COPS4: variants seen among roughly 807,000 people sequenced by gnomAD.
COPS4 encodes COP9 signalosome complex subunit 4.
A neutral mutation model predicts 55.1 loss-of-function variants in COPS4; 8 were observed. The ratio of observed to expected loss-of-function variants is 0.15; its 90% CI spans 0.09 to 0.26. The LOEUF (loss-of-function observed/expected upper bound fraction) is 0.26, where lower values mean the gene tolerates loss of function less well. Ranked by LOEUF, COPS4 falls within the 10% of genes least tolerant of loss-of-function variation. COPS4 has a pLI of 1.00. For synonymous variants in COPS4, 185 were observed against 165.7 expected (o/e 1.12, Z -0.90); for missense variants, 248 against 484.0 (o/e 0.51, Z 4.58).
intron 9 of COPS4, among the ~76,000 whole-genome samples, chr4:83,070,948 T>C (rs1731413559): frequency 6.6e-6 from 1 of 152,180 alleles, no homozygotes; most frequent in Non-Finnish European, 1.5e-5. Flanking sequence ...TTTTTCAGCA[T>C]TGCAAATTCT....
At chr4:83,068,880 G>T (rs1357929495) in intron 9 of COPS4, among the ~76,000 whole-genome samples, 1 of 150,830 alleles carries the variant, frequency 6.6e-6, no homozygotes, top group Non-Finnish European at 1.5e-5. Flanking sequence ...TGAGGCAGGA[G>T]AATCACTTAA....
At chr4:83,058,701 A>C (rs556860641) in intron 6 of COPS4, among the ~76,000 whole-genome samples, 2 of 152,312 alleles carry the variant, frequency 1.3e-5, no homozygotes, top group East Asian at 3.9e-4. Flanking sequence ...AACTGTATAC[A>C]TCATAGTGAT....
intron 9 of COPS4, chr4:83,073,200 C>T (rs996078909): frequency 2.4e-5 from 16 of 663,588 alleles, no homozygotes; most frequent in Non-Finnish European, 3.9e-5. Flanking sequence ...TCCTTCCTTC[C>T]CCCAGCTTCT....
intron 8 of COPS4, among the ~76,000 whole-genome samples, chr4:83,066,810 A>C (rs1043722667): frequency 3.3e-5 from 5 of 152,166 alleles, no homozygotes; most frequent in African/African-American, 1.2e-4. Flanking sequence ...AAAGTGACCT[A>C]GAATAGAAGT....
At chr4:83,070,137 T>C (rs1731385249) in intron 9 of COPS4, among the ~76,000 whole-genome samples, 1 of 152,216 alleles carries the variant, frequency 6.6e-6, no homozygotes, top group Non-Finnish European at 1.5e-5. Flanking sequence ...CCGATTCTAC[T>C]TTTCCTCTTA....
chr4:83,067,994 C>A (rs1001130545), intron 8 of COPS4, among the ~76,000 whole-genome samples: 1 of 152,162 alleles, frequency 6.6e-6, no homozygotes, highest in African/African-American at 2.4e-5. Flanking sequence ...CTTTTGCTTT[C>A]TTTTAATTGT....
rs868168266 is a variant in COPS4, at chr4:83,062,231, C to T, written c.716-845C>T. Among the ~76,000 whole-genome samples the T allele has an allele frequency of 1.1e-3, 174 of 151,854 alleles. 1 individual carries two copies. The highest frequency in any genetic ancestry group is 4.1e-3 in the African/African-American group (168 of 41,402). ...TTCATCTTTTATAAATTTTTATTAA[C>T]GAAATAATTAATGTTTATTGTAGAA... On this transcript the variant is annotated intron_variant, in intron 6 of 9. Coordinates refer to ENST00000264389, the MANE Select transcript of COPS4 (RefSeq NM_016129.3).
At chr4:83,043,860 C>A (rs1234440168) in intron 1 of COPS4, among the ~76,000 whole-genome samples, 1 of 151,938 alleles carries the variant, frequency 6.6e-6, no homozygotes, top group Non-Finnish European at 1.5e-5. Context: ...TAATTTATTT[C>A]TTCTTTTGGA....
rs751762432 is a variant in COPS4, at chr4:83,057,308, A to G, written c.615A>G (p.Ala205=). The G allele has an allele frequency of 6.2e-7, 1 of 1,612,100 alleles. No individual in the cohort carries two copies. The highest frequency in any genetic ancestry group is 8.5e-7 in the Non-Finnish European group (1 of 1,179,268). The change falls in exon 6 of 10, where the codon GCA becomes GCG. Residue 205 remains alanine, a synonymous_variant. Transcript: ENST00000264389. ...LDYRRKFIEA[A]QRYNELSYKT... ...ATAGAAGAAAATTCATTGAAGCTGC[A>G]CAAAGGTACAATGAGCTCTCTTACA...
In COPS4 at chr4:83,054,342, A is replaced by AAAAACAAAAC. The variant is rs553121493; in HGVS notation, c.411-2564_411-2555dup. ...GGGTGACAGAGCGAGACTCCATCTC[A>AAAAACAAAAC]AAAACAAAACAAAACAAAACAAAAC... On this transcript the variant is annotated intron_variant, in intron 4 of 9. Transcript: ENST00000264389. Among the ~76,000 whole-genome samples the AAAAACAAAAC allele has an allele frequency of 8.7e-3, 1,325 of 152,140 alleles. 32 individuals are homozygous for AAAAACAAAAC. The highest frequency in any genetic ancestry group is 0.029 in the African/African-American group (1,219 of 41,464).
chr4:83,037,740 G>A (rs764168605), intron 1 of COPS4, among the ~76,000 whole-genome samples: 1 of 151,974 alleles, frequency 6.6e-6, no homozygotes, highest in South Asian at 2.1e-4. Flanking sequence ...CCATATTAAA[G>A]AATAATGGAA....
chr4:83,056,113 G>A (rs1248097304), intron 4 of COPS4, among the ~76,000 whole-genome samples: 1 of 151,790 alleles, frequency 6.6e-6, no homozygotes, highest in African/African-American at 2.4e-5. Context: ...TGTATTTTTA[G>A]TAGAGACAGG....
intron 9 of COPS4, among the ~76,000 whole-genome samples, chr4:83,070,749 G>C (rs747159308): frequency 3.3e-5 from 5 of 152,026 alleles, no homozygotes; most frequent in Admixed American, 6.6e-5. Flanking sequence ...AGTACAGCTG[G>C]AGTGATTATT....
intron 1 of COPS4, 101 bp downstream of exon 1, chr4:83,035,399 G>C (rs575422064): frequency 1.9e-6 from 2 of 1,031,614 alleles, no homozygotes. Context: ...GAAGCTAGGA[G>C]CCGGCCTGAC....
rs944245296 is a variant in COPS4 at position 83,075,289 on chromosome 4, C to T, written c.1088-8C>T. 1.2e-6 allele frequency: 2 copies of T among 1,603,334 alleles called. No individual in the cohort carries two copies. The highest frequency in any genetic ancestry group is 1.4e-5 in the African/African-American group (1 of 73,996). On this transcript the variant is annotated splice_region_variant and splice_polypyrimidine_tract_variant and intron_variant, in intron 9 of 9. Coordinates refer to ENST00000264389, the MANE Select transcript of COPS4 (RefSeq NM_016129.3). ...AATTTTAATTTTGTACATTTTTTTTCCCCTTAGCACGAGAAGCCCTGCCAA... is the reference window on the plus strand; with the variant it reads ...AATTTTAATTTTGTACATTTTTTTTTCCCTTAGCACGAGAAGCCCTGCCAA...
chr4:83,064,869 CTTTTTTTTT>C (rs140166684), intron 7 of COPS4, among the ~76,000 whole-genome samples: 12 of 73,594 alleles, frequency 1.6e-4, no homozygotes, highest in Non-Finnish European at 2.5e-4. Context: ...TAAGCAGTCC[CTTTTTTTTT>C]TTTTTTTTTT....
chr4:83,074,863 C>A (rs1287007306), intron 9 of COPS4, among the ~76,000 whole-genome samples: 1 of 151,890 alleles, frequency 6.6e-6, no homozygotes, highest in Non-Finnish European at 1.5e-5. Context: ...TGGCTCATGC[C>A]TGTAATCCCA....
intron 4 of COPS4, among the ~76,000 whole-genome samples, chr4:83,056,570 G>A (rs535944661): frequency 1.3e-5 from 2 of 152,232 alleles, no homozygotes; most frequent in South Asian, 4.1e-4. Flanking sequence ...AGGCCGAGGC[G>A]GGTGGATCAT....
Position 83,057,064 on chromosome 4 carries a change from A to G in COPS4, c.549A>G (p.Leu183=), listed in dbSNP as rs758489874. The change falls in exon 5 of 10, where the codon TTA becomes TTG. Residue 183 remains leucine, a synonymous_variant. Coordinates refer to ENST00000264389, the MANE Select transcript of COPS4 (RefSeq NM_016129.3). ...AGAATGAATCAACCAATGAACAATT[A>G]CAGATACATTATAAGGTAACAGATG... ...LLQNESTNEQ[L]QIHYKVCYAR... is the part of the protein sequence containing the mutation. The G allele has an allele frequency of 8.7e-6, 14 of 1,613,616 alleles. No individual in the cohort carries two copies. The South Asian group carries it at 1.5e-4, about 18-fold the overall frequency.
Sources: allele counts gnomAD v4.1 joint callset (sites outside exome capture counted in the v4.1 genomes callset), GRCh38; gene constraint gnomAD v4.1.1; transcripts MANE v1.5; gene names NCBI Gene and HGNC (gene_info 2026-07-23, HGNC 2026-07-21).